Variants in DOK6 observed in about 807,000 individuals in gnomAD.
DOK6 encodes downstream of tyrosine kinase 6.
Under a neutral mutation model 44.0 loss-of-function variants are expected in DOK6, and 22 were observed. The observed-to-expected ratio is 0.50, with a 90% CI of 0.36 to 0.71. DOK6 has a LOEUF of 0.71. Ranked by LOEUF, DOK6 falls within the 30% of genes least tolerant of loss-of-function variation. The probability of loss-of-function intolerance (pLI) is 0.00; values close to 1 mark genes in which losing one functional copy is unlikely to be tolerated. For synonymous variants in DOK6, 166 were observed against 145.5 expected (o/e 1.14, Z -1.01); for missense variants, 340 against 416.4 (o/e 0.82, Z 1.60).
At chr18:69,785,409 A>G (rs564862096) in intron 7 of DOK6, among the ~76,000 whole-genome samples, 1 of 152,308 alleles carries the variant, frequency 6.6e-6, no homozygotes, top group Admixed American at 6.5e-5. Context: ...CTATATAACT[A>G]TGGTGGTCTC....
At chr18:69,620,853 G>A (rs1453178868) in intron 3 of DOK6, among the ~76,000 whole-genome samples, 1 of 152,136 alleles carries the variant, frequency 6.6e-6, no homozygotes, top group Non-Finnish European at 1.5e-5. Flanking sequence ...AGGACGTTGT[G>A]TTTTATGTAC....
chr18:69,463,655 G>A (rs1261843931), intron 1 of DOK6, among the ~76,000 whole-genome samples: 2 of 145,222 alleles, frequency 1.4e-5, no homozygotes, highest in African/African-American at 5.1e-5. Flanking sequence ...GTGTGTATGT[G>A]TATCTGCGTG....
At chr18:69,723,661 A>G (rs1978293254) in intron 5 of DOK6, among the ~76,000 whole-genome samples, 1 of 152,250 alleles carries the variant, frequency 6.6e-6, no homozygotes, top group South Asian at 2.1e-4. Context: ...TAGGCAGTGT[A>G]GTGCTCCTGT....
chr18:69,723,935 A>G (rs1978294548), intron 5 of DOK6, among the ~76,000 whole-genome samples: 1 of 152,160 alleles, frequency 6.6e-6, no homozygotes. Context: ...TTTGCAGGGT[A>G]TCCTGTCCAC....
At chr18:69,687,994 T>C (rs1055260117) in intron 4 of DOK6, among the ~76,000 whole-genome samples, 19 of 152,168 alleles carry the variant, frequency 1.2e-4, no homozygotes, top group Non-Finnish European at 2.4e-4. Flanking sequence ...TCAATGATGT[T>C]GCAGGATAAC....
intron 3 of DOK6, among the ~76,000 whole-genome samples, chr18:69,648,899 TC>T (rs1456236596): frequency 6.6e-6 from 1 of 152,186 alleles, no homozygotes; most frequent in Non-Finnish European, 1.5e-5. Flanking sequence ...ATGTTAAACA[TC>T]TATAAATTAA....
chr18:69,418,628 ATTTCT>A, intron 1 of DOK6, among the ~76,000 whole-genome samples: 1 of 151,462 alleles, frequency 6.6e-6, no homozygotes, highest in African/African-American at 2.4e-5. Flanking sequence ...TGCCCAGCTA[ATTTCT>A]TTTCTTTTCT....
chr18:69,681,847 G>A (rs1277013858), intron 4 of DOK6, among the ~76,000 whole-genome samples: 1 of 152,210 alleles, frequency 6.6e-6, no homozygotes, highest in Non-Finnish European at 1.5e-5. Context: ...TCACTTGTAG[G>A]AAATTCCTGC....
chr18:69,594,182 AT>A (rs35613271), intron 2 of DOK6, among the ~76,000 whole-genome samples: 51,403 of 147,914 alleles, frequency 0.35, 10,502 homozygotes, highest in Non-Finnish European at 0.47. Context: ...ATTGATGTTT[AT>A]TTTTTTTTTT....
At chr18:69,675,959 A>G (rs949670729) in intron 3 of DOK6, among the ~76,000 whole-genome samples, 1 of 152,138 alleles carries the variant, frequency 6.6e-6, no homozygotes, top group African/African-American at 2.4e-5. Context: ...TGTTATTTTT[A>G]GTAGCCTCCA....
At chr18:69,812,220 G>C (rs563275465) in intron 7 of DOK6, among the ~76,000 whole-genome samples, 8 of 152,010 alleles carry the variant, frequency 5.3e-5, no homozygotes, top group African/African-American at 1.9e-4. Flanking sequence ...CATGTTTGTT[G>C]TTCCAGAGTT....
At chr18:69,632,002 T>C (rs1019418531) in intron 3 of DOK6, among the ~76,000 whole-genome samples, 3 of 152,244 alleles carry the variant, frequency 2.0e-5, no homozygotes, top group Non-Finnish European at 4.4e-5. Context: ...TCATATATTT[T>C]CTTGACTACA....
chr18:69,613,233 ACAAC>A (rs1282133579), intron 3 of DOK6, among the ~76,000 whole-genome samples: 1 of 152,152 alleles, frequency 6.6e-6, no homozygotes, highest in African/African-American at 2.4e-5. Context: ...GTGAGAGTGA[ACAAC>A]CAGCGTGCTG....
Position 69,694,362 on chromosome 18 carries a change from G to C in DOK6, c.410-4042G>C, listed in dbSNP as rs558813861. 5.9e-5 allele frequency among the ~76,000 whole-genome samples: 9 copies of C among 151,710 alleles called. No individual in the cohort carries two copies. In the South Asian group the frequency reaches 1.9e-3, roughly 31 times the overall value. The stretch of plus-strand genomic sequence containing the variant: ...CTTTGGACCTCATCATTCAGCCCTA[G>C]TGAAAAAGATGCCCTTGTAAACATA... On this transcript the variant is annotated intron_variant, in intron 4 of 7. Coordinates refer to ENST00000382713, the MANE Select transcript of DOK6 (RefSeq NM_152721.6).
chr18:69,477,049 T>C (rs957111294), intron 1 of DOK6, among the ~76,000 whole-genome samples: 1 of 152,206 alleles, frequency 6.6e-6, no homozygotes, highest in Non-Finnish European at 1.5e-5. Flanking sequence ...AATTTATTTA[T>C]AAAATATGCT....
At chr18:69,544,993 C>T (rs563110235) in intron 1 of DOK6, among the ~76,000 whole-genome samples, 5 of 150,806 alleles carry the variant, frequency 3.3e-5, no homozygotes, top group South Asian at 2.1e-4. Flanking sequence ...TAGTGGTGCA[C>T]GTCTGTAATC....
intron 1 of DOK6, among the ~76,000 whole-genome samples, chr18:69,411,846 A>G (rs1226307555): frequency 6.6e-6 from 1 of 152,058 alleles, no homozygotes; most frequent in Non-Finnish European, 1.5e-5. Context: ...AGTAATTACT[A>G]CCTTATCTCA....
intron 2 of DOK6, among the ~76,000 whole-genome samples, chr18:69,576,516 G>C (rs1036174573): frequency 2.0e-5 from 3 of 152,074 alleles, no homozygotes; most frequent in Non-Finnish European, 4.4e-5. Flanking sequence ...TTAACTTTGT[G>C]TTACGCCCTA....
At chr18:69,712,347 A>C (rs952275897) in intron 5 of DOK6, among the ~76,000 whole-genome samples, 1 of 145,194 alleles carries the variant, frequency 6.9e-6, no homozygotes, top group African/African-American at 2.5e-5. Context: ...TCCGAATCAC[A>C]TTTGTGTAGA....
Sources: allele counts gnomAD v4.1 joint callset (sites outside exome capture counted in the v4.1 genomes callset), GRCh38; gene constraint gnomAD v4.1.1; transcripts MANE v1.5; gene names NCBI Gene and HGNC (gene_info 2026-07-23, HGNC 2026-07-21).